IL23R: variants seen among roughly 807,000 people sequenced by gnomAD.
IL23R encodes interleukin-23 receptor.
In IL23R, 34 loss-of-function variants were observed where a neutral mutation model predicts 56.9. The observed-to-expected ratio is 0.60, with a 90% confidence interval of 0.45 to 0.80. The LOEUF is 0.80. Among genes scored for constraint, IL23R ranks in the 30% least tolerant of loss-of-function variants. IL23R has a pLI of 0.00. For missense variants in IL23R, 635 were observed against 730.0 expected (o/e 0.87, Z 1.50); for synonymous variants, 230 against 249.2 (o/e 0.92, Z 0.73).
At position 67,219,730 on chromosome 1, in the gene IL23R, G is replaced by A. The variant is rs760405559; in HGVS notation, c.955G>A (p.Val319Ile). 56 of 1,612,846 alleles carry A rather than the reference G, an allele frequency of 3.5e-5. No homozygotes were observed. Among genetic ancestry groups the A allele is most frequent in the Middle Eastern group, 1.6e-4 (1 of 6,084 alleles). Residue 319 changes from valine (V) to isoleucine (I), a missense_variant and splice_region_variant, in exon 7 of 11, where the codon GTT becomes ATT. Transcript: ENST00000347310. ...SLFFHKTPET[V>I]PQVTSKAFQH... is the part of the protein sequence containing the mutation. ...GTTTTTTCATAAAACACCTGAAACA[G>A]GTGAGTGTACTTATATATTTTATTC... is the stretch of plus-strand genomic sequence containing the variant.
chr1:67,247,572 G>A (rs577707702), intron 9 of IL23R, among the ~76,000 whole-genome samples: 1 of 152,250 alleles, frequency 6.6e-6, no homozygotes, highest in South Asian at 2.1e-4. Flanking sequence ...CCAAAGTGCT[G>A]GGATTACAGG....
At chr1:67,151,715 C>T (rs1196166847) in intron 1 of IL23R, among the ~76,000 whole-genome samples, 1 of 152,154 alleles carries the variant, frequency 6.6e-6, no homozygotes, top group South Asian at 2.1e-4. Flanking sequence ...GGAATCCTTT[C>T]CCCATTGCTT....
chr1:67,177,107 AT>A (rs1170426533), intron 3 of IL23R, among the ~76,000 whole-genome samples: 3 of 152,194 alleles, frequency 2.0e-5, no homozygotes, highest in African/African-American at 7.2e-5. Context: ...CAGCAGCATG[AT>A]TTATAATCCT....
At chr1:67,186,895 A>G (rs1242248169) in intron 4 of IL23R, among the ~76,000 whole-genome samples, 1 of 152,238 alleles carries the variant, frequency 6.6e-6, no homozygotes, top group Non-Finnish European at 1.5e-5. Context: ...TGCTAGGATT[A>G]CAGGCATAAG....
At position 67,241,488 on chromosome 1, in the gene IL23R, T is replaced by A. The variant is rs565950896; in HGVS notation, c.1148+1207T>A. On this transcript the variant is annotated intron_variant, in intron 9 of 10. Transcript: ENST00000347310. Reference sequence around the variant, plus strand: ...ACAATGGCCTCCCATAATTTCGTTTTAAAAAAAAAATCCCCCTTTTTGGTC... The same window carrying A: ...ACAATGGCCTCCCATAATTTCGTTTAAAAAAAAAAATCCCCCTTTTTGGTC... Among the ~76,000 whole-genome samples the A allele has an allele frequency of 7.8e-4, 117 of 150,776 alleles. 1 individual carries two copies. Among genetic ancestry groups the A allele is most frequent in the Non-Finnish European group, 4.0e-4 (27 of 67,586 alleles).
At chr1:67,258,350 TAAAC>T in intron 10 of IL23R, 124 bp from the exon 11 acceptor site, 3 of 638,070 alleles carry the variant, frequency 4.7e-6, no homozygotes, top group South Asian at 2.5e-5. Flanking sequence ...TATGGGAAGA[TAAAC>T]AATATGAGAA....
At chr1:67,247,191 TTG>T (rs2100354314) in intron 9 of IL23R, among the ~76,000 whole-genome samples, 1 of 152,284 alleles carries the variant, frequency 6.6e-6, no homozygotes, top group Admixed American at 6.5e-5. Flanking sequence ...TCCCTTTATT[TTG>T]TGTGTGTTTT....
intron 9 of IL23R, among the ~76,000 whole-genome samples, chr1:67,241,930 C>T (rs773372343): frequency 6.6e-6 from 1 of 152,136 alleles, no homozygotes; most frequent in Non-Finnish European, 1.5e-5. Context: ...CTATAATACC[C>T]GATGTTTTCT....
intron 7 of IL23R, among the ~76,000 whole-genome samples, chr1:67,227,103 G>A (rs1650669247): frequency 6.6e-6 from 1 of 152,186 alleles, no homozygotes; most frequent in Admixed American, 6.5e-5. Flanking sequence ...GTTATCCTGG[G>A]GTCTTTCAGC....
intron 5 of IL23R, among the ~76,000 whole-genome samples, chr1:67,205,022 T>G (rs1648907447): frequency 6.6e-6 from 1 of 152,114 alleles, no homozygotes; most frequent in South Asian, 2.1e-4. Context: ...TCAAATGATC[T>G]GCCCACCTAG....
intron 7 of IL23R, among the ~76,000 whole-genome samples, chr1:67,222,560 T>A (rs967867627): frequency 2.0e-5 from 3 of 152,228 alleles, no homozygotes; most frequent in African/African-American, 7.2e-5. Flanking sequence ...CCCTTTTTTT[T>A]AATGAACTCT....
At chr1:67,255,011 G>C (rs552291312) in intron 9 of IL23R, among the ~76,000 whole-genome samples, 1 of 152,050 alleles carries the variant, frequency 6.6e-6, no homozygotes, top group Admixed American at 6.6e-5. Context: ...TTCTCCATCC[G>C]CATCAAGAAA....
intron 7 of IL23R, among the ~76,000 whole-genome samples, chr1:67,230,352 T>C (rs1372452306): frequency 2.6e-5 from 4 of 152,234 alleles, no homozygotes; most frequent in African/African-American, 7.2e-5. Context: ...TGCTAGACTA[T>C]ACAGATTGGA....
At chr1:67,165,352 T>A (rs1231807513), upstream of IL23R, among the ~76,000 whole-genome samples, 3 of 152,232 alleles carry the variant, frequency 2.0e-5, no homozygotes, top group Non-Finnish European at 4.4e-5. Context: ...TGTACACTGC[T>A]GTTAGGAATG....
intron 7 of IL23R, among the ~76,000 whole-genome samples, chr1:67,228,014 CTTTCTTCCTTTCTTTCT>C (rs1650786932): frequency 2.4e-5 from 2 of 82,844 alleles, no homozygotes; most frequent in African/African-American, 1.0e-4. Context: ...TTCTTTCTTT[CTTTCTTCCTTTCTTTCT>C]TTTCTTTCTT....
In IL23R at chr1:67,259,439, T is replaced by C. The variant is rs561623945; in HGVS notation, c.*311T>C. On this transcript the variant is annotated 3_prime_UTR_variant, in exon 11 of 11. Transcript: ENST00000347310. ...TAATTTTAGCCATTCTTCTGCCTCA[T>C]TTCTTAAAATTAGAGAATTAAGGTC... is the stretch of plus-strand genomic sequence containing the variant. The C allele has an allele frequency of 2.8e-6, 1 of 355,914 alleles. No individual in the cohort carries two copies. The highest frequency in any genetic ancestry group is 5.2e-6 in the Non-Finnish European group (1 of 192,452). 22.0% of individuals were successfully genotyped at this position (355,914 alleles called of 1,614,324 possible).
At chr1:67,238,334 G>A (rs1270878294) in intron 8 of IL23R, among the ~76,000 whole-genome samples, 6 of 114,272 alleles carry the variant, frequency 5.3e-5, no homozygotes, top group African/African-American at 2.1e-4. Flanking sequence ...GCAAGACCCT[G>A]TCTCAGGAAA....
intron 1 of IL23R, among the ~76,000 whole-genome samples, chr1:67,152,942 T>C (rs982840443): frequency 6.6e-6 from 1 of 152,202 alleles, no homozygotes; most frequent in Non-Finnish European, 1.5e-5. Flanking sequence ...GGTTTTGGTA[T>C]CAGGATGATG....
chr1:67,205,887 CTT>C (rs893397897), intron 5 of IL23R, among the ~76,000 whole-genome samples: 25 of 111,320 alleles, frequency 2.2e-4, no homozygotes, highest in Non-Finnish European at 3.8e-4. Flanking sequence ...TTCTTTCTTT[CTT>C]TCTTTCTTTC....
Sources: gnomAD v4.1 joint callset for allele counts (sites outside exome capture counted in the v4.1 genomes callset) on GRCh38, gnomAD v4.1.1 for gene constraint, MANE v1.5 for transcripts, NCBI Gene and HGNC (gene_info 2026-07-23, HGNC 2026-07-21) for gene names.